Variants in RANBP3 observed in about 807,000 individuals in gnomAD.
The protein encoded by RANBP3 is RAN binding protein 3.
RANBP3 carries 14 observed loss-of-function variants against 77.3 expected under a neutral mutation model. The observed-to-expected ratio is 0.18, with a 90% CI of 0.12 to 0.28. The LOEUF is 0.28. Ranked by LOEUF, RANBP3 falls within the 10% of genes least tolerant of loss-of-function variation. RANBP3 has a pLI of 1.00. For missense variants in RANBP3, 586 were observed against 752.3 expected (o/e 0.78, Z 2.59); for synonymous variants, 315 against 312.4 (o/e 1.01, Z -0.09).
Position 5,959,530 on chromosome 19 carries a change from T to C in RANBP3, c.23-1557A>G, listed in dbSNP as rs1028086596. The stretch of plus-strand genomic sequence containing the variant: ...AAGGCAAACACTGGAGTGAGTGGCG[T>C]GCGCGAGACCCAGGGGCTACAAGGG... On this transcript the variant is annotated intron_variant, in intron 1 of 16. Coordinates refer to ENST00000340578, the MANE Select transcript of RANBP3 (RefSeq NM_007322.3). This position sits in a 1 kb window ranked among gnomAD's most constrained non-coding sequence, Gnocchi z 5.1. Among the ~76,000 whole-genome samples the C allele has an allele frequency of 9.2e-5, 14 of 151,858 alleles. No homozygotes were observed. Among genetic ancestry groups the C allele is most frequent in the Non-Finnish European group, 1.9e-4 (13 of 67,962 alleles).
At chr19:5,965,236 C>A (rs1333226240) in intron 1 of RANBP3, among the ~76,000 whole-genome samples, 1 of 151,822 alleles carries the variant, frequency 6.6e-6, no homozygotes, top group African/African-American at 2.4e-5. Context: ...AAAACCCTCA[C>A]CCTGAACCCT....
At chr19:5,955,844 A>G (rs2058329277) in intron 2 of RANBP3, among the ~76,000 whole-genome samples, 1 of 152,226 alleles carries the variant, frequency 6.6e-6, no homozygotes, top group Non-Finnish European at 1.5e-5. Context: ...GCTCATGCCC[A>G]CAATCCCAGC....
At chr19:5,955,811 T>C (rs527313212) in intron 2 of RANBP3, among the ~76,000 whole-genome samples, 2 of 152,196 alleles carry the variant, frequency 1.3e-5, no homozygotes, top group Admixed American at 6.5e-5. Flanking sequence ...GCAAAGGGGA[T>C]AGTTGTGGCT....
At chr19:5,965,449 T>C (rs1392928472) in intron 1 of RANBP3, among the ~76,000 whole-genome samples, 1 of 152,138 alleles carries the variant, frequency 6.6e-6, no homozygotes, top group Non-Finnish European at 1.5e-5. Flanking sequence ...TATCTGTATT[T>C]TTTCTGCCAA....
In RANBP3 at chr19:5,931,506, G is replaced by A. The variant is rs2057990686; in HGVS notation, c.591C>T (p.Val197=). 12 of 1,611,282 alleles carry A rather than the reference G, an allele frequency of 7.4e-6. No individual in the cohort carries two copies. Among genetic ancestry groups the A allele is most frequent in the African/African-American group, 1.3e-5 (1 of 74,898 alleles). Residue 197 remains valine, a synonymous_variant, in exon 8 of 17, where the codon GTC becomes GTT. Transcript: ENST00000340578. ...QTVPSSGTNG[V]SLPADCTGAV... Reference sequence around the variant, plus strand: ...CCCCCGTGCAGTCTGCTGGGAGGCTGACCCCGTTGGTGCCACTGCTGGGGA... The same window carrying A: ...CCCCCGTGCAGTCTGCTGGGAGGCTAACCCCGTTGGTGCCACTGCTGGGGA...
intron 1 of RANBP3, among the ~76,000 whole-genome samples, chr19:5,970,737 C>A (rs2058520498): frequency 6.6e-6 from 1 of 152,216 alleles, no homozygotes; most frequent in Admixed American, 6.5e-5. Context: ...CTAGAAGTAA[C>A]TGACATGTAT....
In RANBP3 at chr19:5,951,438, G is replaced by A. The variant is rs572135820; in HGVS notation, c.237C>T (p.Pro79=). 2.8e-5 allele frequency: 44 copies of A among 1,592,374 alleles called. No individual in the cohort carries two copies. The East Asian group carries it at 5.7e-4, about 21-fold the overall frequency. Residue 79 remains proline, a synonymous_variant, in exon 3 of 17, where the codon CCC becomes CCT. Coordinates refer to ENST00000340578, the MANE Select transcript of RANBP3 (RefSeq NM_007322.3). ...AGASASTPPP[P]APEAQLPPFP... is the part of the protein sequence containing the mutation. ...AAGGAGGAAGCTGGGCTTCAGGAGC[G>A]GGAGGCGGAGGAGTGCTGGCTGAGG...
chr19:5,923,171 C>T, intron 13 of RANBP3, 23 bp downstream of exon 13: 1 of 1,605,138 alleles, frequency 6.2e-7, no homozygotes, highest in Non-Finnish European at 8.5e-7. Context: ...CCCAGGGCCA[C>T]CGAGGAGGGG....
At position 5,921,309 on chromosome 19, in the gene RANBP3, G is replaced by C. The variant is rs1483130789; in HGVS notation, c.1222C>G (p.Leu408Val). The C allele has an allele frequency of 2.5e-6, 4 of 1,613,484 alleles. No individual in the cohort carries two copies. The highest frequency in any genetic ancestry group is 3.4e-6 in the Non-Finnish European group (4 of 1,179,852). ...TGTGAGGTCTTGTCAAAGACAAACA[G>C]CTTGCACTGCATCTGGAACACAGTG... ...ESNVLQMQCK[L>V]FVFDKTSQSW... is the part of the protein sequence containing the mutation. Residue 408 changes from leucine (L) to valine (V), a missense_variant, in exon 14 of 17, where the codon CTG becomes GTG. This residue lies in a region of RANBP3 where 51 missense variants were observed against 123.2 expected (regional missense o/e 0.41). Coordinates refer to ENST00000340578, the MANE Select transcript of RANBP3 (RefSeq NM_007322.3). This position sits in a 1 kb window ranked among gnomAD's most constrained non-coding sequence, Gnocchi z 5.3.
At chr19:5,951,705 C>T in intron 2 of RANBP3, 109 bp from the exon 3 acceptor site, 1 of 1,012,260 alleles carries the variant, frequency 9.9e-7, no homozygotes, top group Non-Finnish European at 1.5e-6. Context: ...TGCAGCAGCT[C>T]CTGCGCCTGG....
chr19:5,925,542 G>A lies in RANBP3; in HGVS notation c.917+92C>T, dbSNP rs1034894264. ...GCAACCTGGATTCTGGGCCTGAGTC[G>A]GGCACGGGGACCACAGACCCCTCTC... On this transcript the variant is annotated intron_variant, in intron 10 of 16. Coordinates refer to ENST00000340578, the MANE Select transcript of RANBP3 (RefSeq NM_007322.3). 1.5e-5 allele frequency: 17 copies of A among 1,110,786 alleles called. No individual in the cohort carries two copies. In the African/African-American group the frequency reaches 1.7e-4, roughly 11 times the overall value. The allele number at this position is 1,110,786 out of a possible 1,614,324, so 68.8% of individuals were successfully genotyped here. A position where few individuals can be genotyped will look rare whatever the true frequency, so the allele number is the denominator to read the frequency against.
intron 1 of RANBP3, among the ~76,000 whole-genome samples, chr19:5,966,264 G>A (rs751612492): frequency 5.3e-5 from 8 of 152,182 alleles, no homozygotes; most frequent in South Asian, 4.1e-4. Context: ...CATGAGTTCC[G>A]GGGTCAGTGA....
intron 1 of RANBP3, among the ~76,000 whole-genome samples, chr19:5,972,029 G>A (rs981313024): frequency 6.6e-6 from 1 of 152,222 alleles, no homozygotes; most frequent in Non-Finnish European, 1.5e-5. Flanking sequence ...TTTCCCCTCT[G>A]AAATCTCAGA....
At chr19:5,960,309 TGA>T (rs147050427) in intron 1 of RANBP3, among the ~76,000 whole-genome samples, 98 of 152,362 alleles carry the variant, frequency 6.4e-4, no homozygotes, top group African/African-American at 2.1e-3. Context: ...GACTCTGGCC[TGA>T]GAGAGGCGCG....
rs143787332 is a variant in RANBP3, at chr19:5,967,504, T to C, written c.23-9531A>G. Among the ~76,000 whole-genome samples, 446 of 152,290 alleles carry C rather than the reference T, an allele frequency of 2.9e-3. 4 individuals are homozygous for C. Among genetic ancestry groups the C allele is most frequent in the African/African-American group, 9.6e-3 (398 of 41,556 alleles). ...TAGGTACTTTACATATCTAGTCTCA[T>C]TCATCATAGACGCATCCCCATGACA... On this transcript the variant is annotated intron_variant, in intron 1 of 16. Transcript: ENST00000340578.
intron 3 of RANBP3, among the ~76,000 whole-genome samples, chr19:5,946,025 T>C (rs1027286095): frequency 1.3e-5 from 2 of 152,024 alleles, no homozygotes; most frequent in African/African-American, 4.8e-5. Context: ...GCTCTGGCCA[T>C]GTGGCCTCCT....
chr19:5,949,360 C>T (rs547036984), intron 3 of RANBP3, among the ~76,000 whole-genome samples: 4 of 152,154 alleles, frequency 2.6e-5, no homozygotes, highest in Non-Finnish European at 5.9e-5. Flanking sequence ...TGAGCAGGCC[C>T]GATTAGTAGA....
rs1250398442 is a variant in RANBP3, at chr19:5,952,134, A to G, written c.79-538T>C. Among the ~76,000 whole-genome samples, 1 of 152,156 alleles carries G rather than the reference A, an allele frequency of 6.6e-6. No homozygotes were observed. The highest frequency in any genetic ancestry group is 2.4e-5 in the African/African-American group (1 of 41,430). On this transcript the variant is annotated intron_variant, in intron 2 of 16. Coordinates refer to ENST00000340578, the MANE Select transcript of RANBP3 (RefSeq NM_007322.3). The surrounding 1 kb of genome is among the most constrained non-coding windows in gnomAD (Gnocchi z 4.1). Reference sequence around the variant, plus strand: ...TGCCTCTCACTACAGTTCTTCTAGCACTTTCCATTTGTTCTGCTTACACCC... The same window carrying G: ...TGCCTCTCACTACAGTTCTTCTAGCGCTTTCCATTTGTTCTGCTTACACCC...
chr19:5,917,417 C>G lies in RANBP3; in HGVS notation c.*193G>C. 1 of 579,300 alleles carries G rather than the reference C, an allele frequency of 1.7e-6. No individual in the cohort carries two copies. Among genetic ancestry groups the G allele is most frequent in the South Asian group, 2.3e-5 (1 of 43,614 alleles). The allele number at this position is 579,300 out of a possible 1,614,324, so 35.9% of individuals were successfully genotyped here. A position where few individuals can be genotyped will look rare whatever the true frequency, so the allele number is the denominator to read the frequency against. On this transcript the variant is annotated 3_prime_UTR_variant, in exon 17 of 17. Transcript: ENST00000340578. ...TTCGCTCATCAATATGATGAGGTCT[C>G]GTGTCCCAAACCACATTCAGGCAGT...
Sources: gnomAD v4.1 joint callset for allele counts (sites outside exome capture counted in the v4.1 genomes callset) on GRCh38, gnomAD v4.1.1 for gene constraint, gnomAD v4.1.1 regional missense constraint, Gnocchi (gnomAD v3.1) non-coding constraint, MANE v1.5 for transcripts, NCBI Gene and HGNC (gene_info 2026-07-23, HGNC 2026-07-21) for gene names.